SHISA9: variants seen among roughly 807,000 people sequenced by gnomAD.
SHISA9 encodes protein shisa-9.
SHISA9 carries 13 observed loss-of-function variants against 38.0 expected under a neutral mutation model. The ratio of observed to expected loss-of-function variants is 0.34; its 90% CI spans 0.22 to 0.54. The LOEUF is 0.54. Ranked by LOEUF, SHISA9 falls within the 20% of genes least tolerant of loss-of-function variation. The pLI, the probability that SHISA9 is intolerant of heterozygous loss-of-function variation, is 0.91. For synonymous variants in SHISA9, 275 were observed against 242.0 expected (o/e 1.14, Z -1.27); for missense variants, 538 against 575.8 (o/e 0.93, Z 0.67).
chr16:13,428,774 T>TTG, the SHISA9 span, among the ~76,000 whole-genome samples: 2 of 14,118 alleles, frequency 1.4e-4, no homozygotes, highest in East Asian at 4.0e-3. Context: ...TGTTTTATTG[T>TTG]TTTTTTTTTT....
intron 2 of SHISA9, among the ~76,000 whole-genome samples, chr16:13,025,862 A>G (rs1257384047): frequency 1.3e-5 from 2 of 151,958 alleles, no homozygotes; most frequent in East Asian, 1.9e-4. Context: ...CTGGAGTACA[A>G]TGGTGTGATC....
the SHISA9 span, among the ~76,000 whole-genome samples, chr16:13,405,040 T>C: frequency 6.6e-6 from 1 of 152,198 alleles, no homozygotes; most frequent in African/African-American, 2.4e-5. Context: ...CCACGGTGGA[T>C]GGTGGTTACC....
chr16:13,172,301 G>C (rs1473042796), intron 2 of SHISA9, among the ~76,000 whole-genome samples: 1 of 152,198 alleles, frequency 6.6e-6, no homozygotes, highest in Non-Finnish European at 1.5e-5. Flanking sequence ...GGATTGGAAG[G>C]CTTCCTAGTT....
intron 2 of SHISA9, among the ~76,000 whole-genome samples, chr16:13,126,508 AG>A (rs1306637819): frequency 7.0e-6 from 1 of 143,748 alleles, no homozygotes; most frequent in East Asian, 2.2e-4. Flanking sequence ...AGATTGAAGG[AG>A]GGGGAGAGAG....
chr16:12,964,060 G>A (rs868674407), intron 2 of SHISA9, among the ~76,000 whole-genome samples: 3 of 152,174 alleles, frequency 2.0e-5, no homozygotes, highest in Non-Finnish European at 4.4e-5. Context: ...GACAGATCAT[G>A]GTTTTCATTA....
intron 4 of SHISA9, among the ~76,000 whole-genome samples, chr16:13,217,433 C>T (rs1262535428): frequency 6.6e-6 from 1 of 152,198 alleles, no homozygotes; most frequent in African/African-American, 2.4e-5. Context: ...CCCAGTGCTA[C>T]AGCAAGGCAA....
the SHISA9 span, among the ~76,000 whole-genome samples, chr16:13,414,705 C>T: frequency 7.2e-6 from 1 of 137,956 alleles, no homozygotes; most frequent in Non-Finnish European, 1.5e-5. Flanking sequence ...AGTGCAGTGG[C>T]GCGATCTTGG....
intron 2 of SHISA9, among the ~76,000 whole-genome samples, chr16:13,121,832 TACACAC>T (rs55727441): frequency 0.13 from 17,188 of 134,700 alleles, 1,077 homozygotes; most frequent in African/African-American, 0.19. Flanking sequence ...TATACACACA[TACACAC>T]ACACACACAC....
chr16:13,083,228 G>A (rs944352829), intron 2 of SHISA9, among the ~76,000 whole-genome samples: 1 of 152,186 alleles, frequency 6.6e-6, no homozygotes, highest in African/African-American at 2.4e-5. Context: ...GGGCTGGATG[G>A]CTACTCCAAC....
At chr16:12,904,301 C>G (rs947534911) in intron 1 of SHISA9, among the ~76,000 whole-genome samples, 5 of 152,124 alleles carry the variant, frequency 3.3e-5, no homozygotes, top group African/African-American at 1.2e-4. Context: ...TTAACTACTG[C>G]TGAAATCTCC....
chr16:13,455,010 C>G, the SHISA9 span, among the ~76,000 whole-genome samples: 1 of 109,382 alleles, frequency 9.1e-6, no homozygotes, highest in Non-Finnish European at 2.1e-5. Context: ...AATCAGCTAC[C>G]TTCTTTTTTT....
At chr16:12,959,135 C>T (rs926647123) in intron 2 of SHISA9, among the ~76,000 whole-genome samples, 1 of 152,112 alleles carries the variant, frequency 6.6e-6, no homozygotes, top group Non-Finnish European at 1.5e-5. Flanking sequence ...TTTTAAGAGC[C>T]TGTTTGGATT....
chr16:13,295,692 T>C, the SHISA9 span, among the ~76,000 whole-genome samples: 1 of 152,116 alleles, frequency 6.6e-6, no homozygotes, highest in African/African-American at 2.4e-5. Context: ...CCAGCTGTGA[T>C]TTAATAATGT....
chr16:13,102,931 C>T (rs1176796083), intron 2 of SHISA9, among the ~76,000 whole-genome samples: 3 of 152,214 alleles, frequency 2.0e-5, no homozygotes, highest in Non-Finnish European at 4.4e-5. Flanking sequence ...CATGGGTTGG[C>T]AGAGGGAGGC....
At chr16:13,176,769 G>A (rs2050735030) in intron 2 of SHISA9, among the ~76,000 whole-genome samples, 1 of 152,084 alleles carries the variant, frequency 6.6e-6, no homozygotes, top group Admixed American at 6.5e-5. Flanking sequence ...TCACATGGGG[G>A]AGTGGGTGGT....
chr16:13,008,386 G>A (rs948545994), intron 2 of SHISA9, among the ~76,000 whole-genome samples: 2 of 152,120 alleles, frequency 1.3e-5, no homozygotes, highest in Non-Finnish European at 2.9e-5. Flanking sequence ...CTCAAAGTCT[G>A]CTTCTGTGGG....
chr16:13,361,302 A>T, the SHISA9 span, among the ~76,000 whole-genome samples: 2 of 152,174 alleles, frequency 1.3e-5, no homozygotes, highest in Non-Finnish European at 2.9e-5. Flanking sequence ...CATCAGCGTC[A>T]TCCATTTCAA....
chr16:13,211,838 G>A (rs748047936), intron 3 of SHISA9, among the ~76,000 whole-genome samples: 2 of 152,332 alleles, frequency 1.3e-5, no homozygotes, highest in East Asian at 1.9e-4. Flanking sequence ...TGGAGTCAGC[G>A]ACTTGTTGGC....
At chr16:13,249,173 T>C in the SHISA9 span, among the ~76,000 whole-genome samples, 1 of 152,244 alleles carries the variant, frequency 6.6e-6, no homozygotes. Context: ...TTCACTTTTC[T>C]GACTTCTCAG....
Sources: gnomAD v4.1 joint callset for allele counts (sites outside exome capture counted in the v4.1 genomes callset) on GRCh38, gnomAD v4.1.1 for gene constraint, MANE v1.5 for transcripts, NCBI Gene and HGNC (gene_info 2026-07-23, HGNC 2026-07-21) for gene names.